Variants in SIPA1L2 observed in about 807,000 individuals in gnomAD.
SIPA1L2 encodes signal-induced proliferation-associated 1-like protein 2.
A neutral mutation model predicts 163.9 loss-of-function variants in SIPA1L2; 56 were observed. That is an observed-to-expected ratio of 0.34 (90% confidence interval 0.28 to 0.43). SIPA1L2 has a LOEUF of 0.43. Among genes scored for constraint, SIPA1L2 ranks in the 20% least tolerant of loss-of-function variants. The pLI is 1.00. For missense variants in SIPA1L2, 1,974 were observed against 2,193.5 expected (o/e 0.90, Z 2.00); for synonymous variants, 877 against 865.7 (o/e 1.01, Z -0.23).
intron 19 of SIPA1L2, among the ~76,000 whole-genome samples, chr1:232,409,850 GTTGTTTTTAGCCATAAAT>G (rs1485815904): frequency 3.9e-5 from 6 of 152,154 alleles, no homozygotes; most frequent in Non-Finnish European, 8.8e-5. Context: ...ATAAGCTATT[GTTGTTTTTAGCCATAAAT>G]GTTGGGGGTG....
At chr1:232,494,820 G>T (rs1666097788) in intron 3 of SIPA1L2, among the ~76,000 whole-genome samples, 1 of 152,172 alleles carries the variant, frequency 6.6e-6, no homozygotes, top group South Asian at 2.1e-4. Flanking sequence ...TGAGCAGGTG[G>T]TAAACGCAAA....
chr1:232,445,855 G>A (rs1663186019), intron 10 of SIPA1L2, 69 bp from the exon 11 acceptor site: 1 of 1,554,898 alleles, frequency 6.4e-7, no homozygotes, highest in African/African-American at 1.4e-5. Context: ...CTTACTCACA[G>A]CTGGGCCCCT....
At chr1:232,539,658 A>G (rs966284021) in intron 2 of SIPA1L2, among the ~76,000 whole-genome samples, 2 of 152,152 alleles carry the variant, frequency 1.3e-5, no homozygotes, top group African/African-American at 4.8e-5. Flanking sequence ...CCTGGAGAGC[A>G]GCTCTTCTCT....
rs575551936 is a variant in SIPA1L2 at position 232,545,966 on chromosome 1, T to C, written c.-270+28208A>G. On this transcript the variant is annotated intron_variant, in intron 2 of 22. Transcript: ENST00000674635. ...AATTATGTACAGACCAAGAAGTTTC[T>C]TTCTTCCCTTCTCTTTCTGGTGTCA... Among the ~76,000 whole-genome samples the C allele has an allele frequency of 2.0e-5, 3 of 152,336 alleles. No homozygotes were observed. The South Asian group carries it at 6.2e-4, about 32-fold the overall frequency.
chr1:232,603,734 C>A (rs1233424077), intron 1 of SIPA1L2, among the ~76,000 whole-genome samples: 2 of 151,984 alleles, frequency 1.3e-5, no homozygotes, highest in Non-Finnish European at 2.9e-5. Flanking sequence ...CCAGGCCCTG[C>A]CATCCACTGA....
At chr1:232,565,903 A>G (rs1400084479) in intron 2 of SIPA1L2, among the ~76,000 whole-genome samples, 1 of 152,212 alleles carries the variant, frequency 6.6e-6, no homozygotes, top group Non-Finnish European at 1.5e-5. Context: ...GATGGTTCCT[A>G]TAGTATACAC....
chr1:232,492,345 C>T (rs1244603125), intron 4 of SIPA1L2, among the ~76,000 whole-genome samples: 1 of 151,978 alleles, frequency 6.6e-6, no homozygotes, highest in East Asian at 1.9e-4. Context: ...TAATTCTTTT[C>T]TTTTTTAAGA....
At chr1:232,481,042 CAT>C (rs1403724153) in intron 6 of SIPA1L2, among the ~76,000 whole-genome samples, 2 of 152,052 alleles carry the variant, frequency 1.3e-5, no homozygotes, top group Non-Finnish European at 2.9e-5. Context: ...TTAGTGTTTA[CAT>C]ATAGTTACCA....
At chr1:232,419,161 T>C (rs1216286369) in intron 18 of SIPA1L2, among the ~76,000 whole-genome samples, 2 of 152,192 alleles carry the variant, frequency 1.3e-5, no homozygotes, top group Non-Finnish European at 2.9e-5. Context: ...AGCTTCTTAA[T>C]GAAGAGCATA....
rs927247100 is a variant in SIPA1L2 at position 232,548,473 on chromosome 1, T to TA, written c.-270+25700dup. ...TTGGTATCTACCTTCCCACAATACTTAGACTCATGGAAGACAAAATATTTG... is the reference window on the plus strand; with the variant it reads ...TTGGTATCTACCTTCCCACAATACTTAAGACTCATGGAAGACAAAATATTTG... On this transcript the variant is annotated intron_variant, in intron 2 of 22. Transcript: ENST00000674635. 2.6e-5 allele frequency among the ~76,000 whole-genome samples: 4 copies of TA among 152,208 alleles called. No homozygotes were observed. In the South Asian group the frequency reaches 8.3e-4, roughly 32 times the overall value.
chr1:232,623,851 C>T (rs1289271312), intron 1 of SIPA1L2, among the ~76,000 whole-genome samples: 1 of 151,910 alleles, frequency 6.6e-6, no homozygotes, highest in Non-Finnish European at 1.5e-5. Flanking sequence ...CTCACAAGAC[C>T]CTACAGGCTC....
At chr1:232,432,515 A>G (rs574500488) in intron 15 of SIPA1L2, 44 bp from the exon 16 acceptor site, 15 of 1,577,686 alleles carry the variant, frequency 9.5e-6, no homozygotes, top group Non-Finnish European at 1.2e-5. Context: ...ATCTGATTTC[A>G]GCAGTGCTGG....
intron 8 of SIPA1L2, among the ~76,000 whole-genome samples, chr1:232,466,561 C>T (rs948305635): frequency 2.6e-5 from 4 of 152,168 alleles, no homozygotes; most frequent in African/African-American, 7.2e-5. Context: ...GAGGTCGAAG[C>T]GGGTGGATCA....
intron 8 of SIPA1L2, among the ~76,000 whole-genome samples, chr1:232,470,032 G>A (rs1457121776): frequency 1.3e-5 from 2 of 151,800 alleles, no homozygotes; most frequent in Non-Finnish European, 2.9e-5. Flanking sequence ...AATACAATAC[G>A]ATAAAGCCTT....
intron 2 of SIPA1L2, among the ~76,000 whole-genome samples, chr1:232,531,553 A>G (rs555126707): frequency 6.6e-6 from 1 of 152,334 alleles, no homozygotes; most frequent in Admixed American, 6.5e-5. Context: ...GTCTAGGATC[A>G]AAGATGCAGT....
At chr1:232,564,811 T>C (rs12565175) in intron 2 of SIPA1L2, among the ~76,000 whole-genome samples, 8,421 of 152,084 alleles carry the variant, frequency 0.055, 929 homozygotes, top group East Asian at 0.5. Context: ...AAATAATAAG[T>C]GTACACATGT....
At chr1:232,541,648 C>T (rs1349695344) in intron 2 of SIPA1L2, among the ~76,000 whole-genome samples, 1 of 152,132 alleles carries the variant, frequency 6.6e-6, no homozygotes, top group Admixed American at 6.6e-5. Context: ...ACTTAGACTT[C>T]CCCATCAACT....
In SIPA1L2 at chr1:232,618,585, C is replaced by G. The variant is rs111403514; in HGVS notation, c.-319+11284G>C. On this transcript the variant is annotated intron_variant, in intron 1 of 22. Coordinates refer to ENST00000674635, the MANE Select transcript of SIPA1L2 (RefSeq NM_020808.5). ...AGGAGAATCGCTTCAACCCAAGAGT[C>G]GGAGGTTGCAGTGAGCCAAGATTGC... 3.1e-4 allele frequency among the ~76,000 whole-genome samples: 47 copies of G among 149,800 alleles called. No homozygotes were observed. The East Asian group carries it at 7.4e-3, about 24-fold the overall frequency.
chr1:232,599,012 T>C (rs1661442356), intron 1 of SIPA1L2, among the ~76,000 whole-genome samples: 1 of 150,634 alleles, frequency 6.6e-6, no homozygotes, highest in Non-Finnish European at 1.5e-5. Flanking sequence ...TTTTAGCCAC[T>C]GCATTTAAAT....
Sources: allele counts gnomAD v4.1 joint callset (sites outside exome capture counted in the v4.1 genomes callset), GRCh38; gene constraint gnomAD v4.1.1; transcripts MANE v1.5; gene names NCBI Gene and HGNC (gene_info 2026-07-23, HGNC 2026-07-21).